The following NR5A2 variants were observed in gnomAD, a reference collection of about 807,000 sequenced individuals.
NR5A2 encodes the protein nuclear receptor subfamily 5 group A member 2.
NR5A2 carries 26 observed loss-of-function variants against 62.7 expected under a neutral mutation model. The observed-to-expected ratio is 0.41, with a 90% confidence interval of 0.30 to 0.58. The LOEUF (loss-of-function observed/expected upper bound fraction) is 0.58, where lower values mean the gene tolerates loss of function less well. Ranked by LOEUF, NR5A2 falls within the 20% of genes least tolerant of loss-of-function variation. NR5A2 has a pLI of 0.22. For missense variants in NR5A2, 541 were observed against 669.1 expected (o/e 0.81, Z 2.11); for synonymous variants, 246 against 241.7 (o/e 1.02, Z -0.16).
intron 7 of NR5A2, among the ~76,000 whole-genome samples, chr1:200,154,539 GTAGA>G: frequency 6.6e-6 from 1 of 152,282 alleles, no homozygotes; most frequent in South Asian, 2.1e-4. Context: ...CCACTTGCAA[GTAGA>G]TAAACTGGTC....
intron 1 of NR5A2, among the ~76,000 whole-genome samples, chr1:200,035,677 C>T (rs1337877327): frequency 1.3e-5 from 2 of 152,162 alleles, no homozygotes; most frequent in East Asian, 1.9e-4. Flanking sequence ...GCTAGGACTG[C>T]GCTTCTCCGG....
At chr1:200,117,854 C>T (rs1269577780) in intron 6 of NR5A2, among the ~76,000 whole-genome samples, 1 of 151,864 alleles carries the variant, frequency 6.6e-6, no homozygotes, top group Non-Finnish European at 1.5e-5. Context: ...GCTGGGATTA[C>T]AGGCACTTGC....
At position 200,174,017 on chromosome 1, in the gene NR5A2, A is replaced by C; in HGVS notation, c.1433A>C (p.Asn478Thr). The change falls in exon 8 of 8, where the codon AAT becomes ACT. Residue 478 changes from asparagine to threonine, a missense_variant. Around this residue, in one of 3 missense-constraint regions of NR5A2, gnomAD observed 379 missense variants for 442.0 expected, o/e 0.86. Coordinates refer to ENST00000367362, the MANE Select transcript of NR5A2 (RefSeq NM_205860.3). ...QLVEGVQEQV[N>T]AALLDYTMCN... ...GTAGAAGGTGTCCAGGAACAAGTCAATGCCGCCCTGCTGGACTACACAATG... is the reference window on the plus strand; with the variant it reads ...GTAGAAGGTGTCCAGGAACAAGTCACTGCCGCCCTGCTGGACTACACAATG... The C allele has an allele frequency of 1.9e-6, 3 of 1,605,048 alleles. No homozygotes were observed. The highest frequency in any genetic ancestry group is 2.6e-6 in the Non-Finnish European group (3 of 1,175,768).
At chr1:200,050,443 T>A (rs781316305) in intron 5 of NR5A2, among the ~76,000 whole-genome samples, 2 of 152,204 alleles carry the variant, frequency 1.3e-5, no homozygotes, top group Non-Finnish European at 2.9e-5. Flanking sequence ...GTAACTTGTA[T>A]ATGTGGTGTT....
intron 5 of NR5A2, among the ~76,000 whole-genome samples, chr1:200,075,918 A>G (rs2102226165): frequency 9.4e-6 from 1 of 106,792 alleles, no homozygotes; most frequent in South Asian, 3.1e-4. Flanking sequence ...TTAAGAAACA[A>G]TAGTGTTTAT....
Position 200,147,575 on chromosome 1 carries a change from C to T in NR5A2, c.1379-26388C>T, listed in dbSNP as rs373749577. The T allele has an allele frequency of 2.1e-5, 15 of 707,414 alleles. No homozygotes were observed. Among genetic ancestry groups the T allele is most frequent in the South Asian group, 2.0e-4 (15 of 74,292 alleles). 43.8% of individuals were successfully genotyped at this position (707,414 alleles called of 1,614,324 possible). On this transcript the variant is annotated intron_variant, in intron 7 of 7. Coordinates refer to ENST00000367362, the MANE Select transcript of NR5A2 (RefSeq NM_205860.3). This position sits in a 1 kb window ranked among gnomAD's most constrained non-coding sequence, Gnocchi z 4.9. ...TCCATTGGTGTGCTTAAAGCGATCT[C>T]CTCTACACGAACGCTAGGGCAGAGC...
In NR5A2 at chr1:200,109,151, G is replaced by T. The variant is rs145016346; in HGVS notation, c.1111-2051G>T. Among the ~76,000 whole-genome samples the T allele has an allele frequency of 3.9e-3, 588 of 152,238 alleles. 1 individual carries two copies. The highest frequency in any genetic ancestry group is 0.034 in the Middle Eastern group (10 of 294). ...GGCACTTATAACCACCAAAGAATTGGCTCTCAACAATAGCTATTTACTTAA... is the reference window on the plus strand; with the variant it reads ...GGCACTTATAACCACCAAAGAATTGTCTCTCAACAATAGCTATTTACTTAA... On this transcript the variant is annotated intron_variant, in intron 5 of 7. Coordinates refer to ENST00000367362, the MANE Select transcript of NR5A2 (RefSeq NM_205860.3).
intron 5 of NR5A2, among the ~76,000 whole-genome samples, chr1:200,054,784 T>C (rs140600349): frequency 1.2e-3 from 177 of 152,342 alleles, no homozygotes; most frequent in African/African-American, 4.2e-3. Flanking sequence ...ATTTTTAACA[T>C]TCTAGATCCT....
At chr1:200,148,704 C>A (rs1055889282) in intron 7 of NR5A2, among the ~76,000 whole-genome samples, 5 of 152,294 alleles carry the variant, frequency 3.3e-5, no homozygotes, top group Middle Eastern at 6.8e-3. Flanking sequence ...TCACTAAAAT[C>A]ATTTCTATGT....
chr1:200,151,011 G>A (rs1653074835), intron 7 of NR5A2, among the ~76,000 whole-genome samples: 1 of 152,168 alleles, frequency 6.6e-6, no homozygotes, highest in Non-Finnish European at 1.5e-5. Context: ...TTTCCTCCCT[G>A]TTGTTTGCTG....
intron 7 of NR5A2, among the ~76,000 whole-genome samples, chr1:200,170,456 T>G (rs1178614862): frequency 6.6e-6 from 1 of 152,244 alleles, no homozygotes; most frequent in African/African-American, 2.4e-5. Context: ...TCTAAACTCT[T>G]CCTAAAAAGT....
intron 6 of NR5A2, among the ~76,000 whole-genome samples, chr1:200,112,966 TTTC>T (rs1287748237): frequency 2.0e-5 from 3 of 152,252 alleles, no homozygotes; most frequent in African/African-American, 7.2e-5. Flanking sequence ...TTTAGAAATA[TTTC>T]TTATTTCACA....
chr1:200,027,757 T>G lies in NR5A2; in HGVS notation c.-91T>G. 1 of 889,094 alleles carries G rather than the reference T, an allele frequency of 1.1e-6. No homozygotes were observed. Among genetic ancestry groups the G allele is most frequent in the Non-Finnish European group, 1.8e-6 (1 of 559,376 alleles). 55.1% of individuals were successfully genotyped at this position (889,094 alleles called of 1,614,324 possible). On this transcript the variant is annotated 5_prime_UTR_variant, in exon 1 of 8. Coordinates refer to ENST00000367362, the MANE Select transcript of NR5A2 (RefSeq NM_205860.3). ...GGGTTACTGTAGTCTGATGTGTCCT[T>G]CCCAAGGCCACGAAATTTGACAAGC... is the stretch of plus-strand genomic sequence containing the variant.
Position 200,174,333 on chromosome 1 carries a change from G to T in NR5A2, c.*123G>T. 1 of 1,009,680 alleles carries T rather than the reference G, an allele frequency of 9.9e-7. No homozygotes were observed. Among genetic ancestry groups the T allele is most frequent in the South Asian group, 3.2e-5 (1 of 31,680 alleles). 62.5% of individuals were successfully genotyped at this position (1,009,680 alleles called of 1,614,324 possible). A position where few individuals can be genotyped will look rare whatever the true frequency, so the allele number is the denominator to read the frequency against. ...TCCAAGTAACGCTAATTAAAAACTTGCTTTAAAGATATTGAATTTAAAAAG... is the reference window on the plus strand; with the variant it reads ...TCCAAGTAACGCTAATTAAAAACTTTCTTTAAAGATATTGAATTTAAAAAG... On this transcript the variant is annotated 3_prime_UTR_variant, in exon 8 of 8. Transcript: ENST00000367362.
Position 200,130,293 on chromosome 1 carries a change from AG to A in NR5A2, c.1378+9339del, listed in dbSNP as rs201929805. ...GAACTAACTAGGAAGAAGAAGAAGA[AG>A]AAGAAGAAGAAGAAGAAGAAGAAGA... On this transcript the variant is annotated intron_variant, in intron 7 of 7. Coordinates refer to ENST00000367362, the MANE Select transcript of NR5A2 (RefSeq NM_205860.3). Among the ~76,000 whole-genome samples the A allele has an allele frequency of 1.5e-3, 7 of 4,652 alleles. No homozygotes were observed. The South Asian group carries it at 0.025, about 16-fold the overall frequency. 3.1% of individuals were successfully genotyped at this position (4,652 alleles called of 152,430 possible).
intron 5 of NR5A2, among the ~76,000 whole-genome samples, chr1:200,049,797 G>A (rs1017373564): frequency 1.3e-5 from 2 of 152,162 alleles, no homozygotes; most frequent in Non-Finnish European, 2.9e-5. Context: ...AAATTTCTGA[G>A]AGAAGGAAAA....
chr1:200,067,284 C>T lies in NR5A2; in HGVS notation c.1110+18466C>T, dbSNP rs561108640. Reference sequence around the variant, plus strand: ...CTTATAAGTGGGAGCTCGCTGAGCGCGGTGGCTCACGCCTGTAATCCCAGC... The same window carrying T: ...CTTATAAGTGGGAGCTCGCTGAGCGTGGTGGCTCACGCCTGTAATCCCAGC... On this transcript the variant is annotated intron_variant, in intron 5 of 7. Transcript: ENST00000367362. Among the ~76,000 whole-genome samples the T allele has an allele frequency of 7.8e-4, 118 of 152,122 alleles. 1 individual carries two copies. Among genetic ancestry groups the T allele is most frequent in the African/African-American group, 2.5e-3 (104 of 41,526 alleles).
At chr1:200,107,675 T>C (rs900856337) in intron 5 of NR5A2, among the ~76,000 whole-genome samples, 2 of 152,214 alleles carry the variant, frequency 1.3e-5, no homozygotes, top group Admixed American at 6.5e-5. Flanking sequence ...AGTCTTGTTC[T>C]GTCACCCAGG....
chr1:200,073,280 ATATATATATATTCCCCTT>A lies in NR5A2; in HGVS notation c.1110+24474_1110+24491del, dbSNP rs1208876353. ...TATATATTCCCCTTTATATATATATATATATATATATTCCCCTTTATATATATATATATATTCCCCTTT... is the reference window on the plus strand; with the variant it reads ...TATATATTCCCCTTTATATATATATATATATATATATATATATTCCCCTTT... On this transcript the variant is annotated intron_variant, in intron 5 of 7. Transcript: ENST00000367362. Among the ~76,000 whole-genome samples the A allele has an allele frequency of 5.7e-3, 590 of 103,378 alleles. 1 individual carries two copies. Among genetic ancestry groups the A allele is most frequent in the Non-Finnish European group, 7.1e-3 (357 of 50,492 alleles). 67.8% of individuals were successfully genotyped at this position (103,378 alleles called of 152,430 possible).
Sources: gnomAD v4.1 joint callset for allele counts (sites outside exome capture counted in the v4.1 genomes callset) on GRCh38, gnomAD v4.1.1 for gene constraint, gnomAD v4.1.1 regional missense constraint, Gnocchi (gnomAD v3.1) non-coding constraint, MANE v1.5 for transcripts, NCBI Gene and HGNC (gene_info 2026-07-23, HGNC 2026-07-21) for gene names.